Variants in RBM45 observed in about 807,000 individuals in gnomAD.
RBM45 encodes the protein RNA binding motif protein 45, also known as RNA-binding protein 45.
A neutral mutation model predicts 58.5 loss-of-function variants in RBM45; 39 were observed. The observed-to-expected ratio is 0.67, with a 90% confidence interval of 0.52 to 0.87. The LOEUF is 0.87. RBM45 is among the 40% of genes least tolerant of loss of function. The probability of loss-of-function intolerance (pLI) is 0.00; values close to 1 mark genes in which losing one functional copy is unlikely to be tolerated. For missense variants in RBM45, 481 were observed against 581.6 expected, an observed-to-expected ratio of 0.83 and a Z score of 1.78; for synonymous variants, 193 against 203.0, an observed-to-expected ratio of 0.95 and a Z score of 0.42.
rs989489434 is a variant in RBM45 at position 178,121,090 on chromosome 2, A to G, written c.674-90A>G. On this transcript the variant is annotated intron_variant, in intron 4 of 9. Coordinates refer to ENST00000286070, the MANE Select transcript of RBM45 (RefSeq NM_152945.4). ...AAAATACAGTGCCTTTATTCAGTAC[A>G]ATGGACTCTGTTTTCTAGTATTTAA... The G allele has an allele frequency of 7.6e-6, 5 of 655,676 alleles. No homozygotes were observed. The Admixed American group carries it at 1.6e-4, about 21-fold the overall frequency. The allele number at this position is 655,676 out of a possible 1,614,324, so 40.6% of individuals were successfully genotyped here.
At chr2:178,112,893 C>G (rs2276622) in intron 1 of RBM45, 47 bp downstream of exon 1, 599,237 of 1,567,180 alleles carry the variant, frequency 0.38, 120,529 homozygotes, top group East Asian at 0.61. Context: ...GAGTGGGCCT[C>G]TTGGACCTCC....
Position 178,121,222 on chromosome 2 carries a change from G to A in RBM45, c.716G>A (p.Arg239Gln), listed in dbSNP as rs750456960. ...EFSSFDKNDS[R>Q]GQEAISKRLS... ...TCAAGTTTTGACAAGAATGATAGCC[G>A]AGGCCAGGAAGCAATCTCCAAACGC... The change falls in exon 5 of 10, where the codon CGA (arginine) becomes CAA (glutamine). Residue 239 changes from arginine (R) to glutamine (Q), a missense_variant. Arg to Gln is a conservative substitution (Grantham distance 43). Coordinates refer to ENST00000286070, the MANE Select transcript of RBM45 (RefSeq NM_152945.4). The A allele has an allele frequency of 1.8e-5, 28 of 1,579,524 alleles. No individual in the cohort carries two copies. The highest frequency in any genetic ancestry group is 5.4e-5 in the Admixed American group (3 of 55,246).
intron 6 of RBM45, 41 bp from the exon 7 acceptor site, chr2:178,123,787 A>G: frequency 6.2e-7 from 1 of 1,606,896 alleles, no homozygotes; most frequent in Non-Finnish European, 8.5e-7. Context: ...AAAAGACTGA[A>G]TATTTTTAGT....
chr2:178,113,324 G>C (rs1304535193), intron 1 of RBM45, among the ~76,000 whole-genome samples: 1 of 448 alleles, frequency 2.2e-3, no homozygotes, highest in Non-Finnish European at 5.7e-3. Flanking sequence ...AAACTGGGGA[G>C]GGACCTCTGG....
chr2:178,138,278 A>C (rs1304977647), exon 4 of RBM45: 1 of 152,162 alleles, frequency 6.6e-6, no homozygotes, highest in Non-Finnish European at 1.5e-5. Context: ...AGCTTAAATA[A>C]GTTAGGATGA....
In RBM45 at chr2:178,123,923, A is replaced by G. The variant is rs1478216644; in HGVS notation, c.1068+11A>G. 1.2e-6 allele frequency: 2 copies of G among 1,607,444 alleles called. No individual in the cohort carries two copies. Among genetic ancestry groups the G allele is most frequent in the African/African-American group, 2.7e-5 (2 of 74,800 alleles). ...CAGCAACAATTTATGGTAAGTAGGT[A>G]AGAATTTAACCTTTATAATATATCA... On this transcript the variant is annotated intron_variant, in intron 7 of 9. Transcript: ENST00000286070.
chr2:178,120,522 A>T (rs1197256148), intron 4 of RBM45, 113 bp downstream of exon 4: 1 of 938,714 alleles, frequency 1.1e-6, no homozygotes, highest in African/African-American at 1.7e-5. Flanking sequence ...GTGAATAAAA[A>T]TCTTAAATGT....
intron 9 of RBM45, among the ~76,000 whole-genome samples, chr2:178,128,758 G>A (rs1204250242): frequency 6.6e-6 from 1 of 152,160 alleles, no homozygotes; most frequent in African/African-American, 2.4e-5. Context: ...TCTAATTGCA[G>A]CATGGCTTTT....
Position 178,120,277 on chromosome 2 carries a change from G to GT in RBM45, c.551-4dup, listed in dbSNP as rs757061337. On this transcript the variant is annotated splice_polypyrimidine_tract_variant and intron_variant, in intron 3 of 9. Coordinates refer to ENST00000286070, the MANE Select transcript of RBM45 (RefSeq NM_152945.4). ...TGCTGTGAAACTTGAAATTCATGGGGTTTTTTCAGGTTTTAGAGCAATCTT... is the reference window on the plus strand; with the variant it reads ...TGCTGTGAAACTTGAAATTCATGGGGTTTTTTTCAGGTTTTAGAGCAATCTT... 4 of 1,611,364 alleles carry GT rather than the reference G, an allele frequency of 2.5e-6. No individual in the cohort carries two copies. The highest frequency in any genetic ancestry group is 3.4e-6 in the Non-Finnish European group (4 of 1,179,114).
chr2:178,116,021 G>A (rs528509416), intron 1 of RBM45, among the ~76,000 whole-genome samples: 19 of 151,838 alleles, frequency 1.3e-4, no homozygotes, highest in Non-Finnish European at 1.9e-4. Flanking sequence ...GTGTGGTGGT[G>A]TGTGCCTGTG....
downstream of RBM45, among the ~76,000 whole-genome samples, chr2:178,132,293 TTAGAAAA>T (rs2088011985): frequency 6.6e-6 from 1 of 152,184 alleles, no homozygotes; most frequent in African/African-American, 2.4e-5. Flanking sequence ...TTAAATACAT[TTAGAAAA>T]TGTTCAGTAC....
In RBM45 at chr2:178,112,647, A is replaced by C; in HGVS notation, c.101A>C (p.Lys34Thr). 6.2e-7 allele frequency: 1 copy of C among 1,614,230 alleles called. No individual in the cohort carries two copies. Among genetic ancestry groups the C allele is most frequent in the Non-Finnish European group, 8.5e-7 (1 of 1,180,036 alleles). ...AGCCGCATCTTCCTTGTGATCAGCA[A>C]GTACACACCTGAGTCGGTGCTGAGG... ...PNSRIFLVIS[K>T]YTPESVLRER... The change falls in exon 1 of 10, where the codon AAG (lysine) becomes ACG (threonine). Residue 34 changes from lysine (K) to threonine (T), a missense_variant. Coordinates refer to ENST00000286070, the MANE Select transcript of RBM45 (RefSeq NM_152945.4).
chr2:178,120,561 T>A, intron 4 of RBM45, 152 bp downstream of exon 4: 3 of 648,046 alleles, frequency 4.6e-6, no homozygotes, highest in Non-Finnish European at 7.3e-6. Context: ...ATGTGGATTA[T>A]GACTCCTAAA....
chr2:178,131,699 C>CT (rs1391487487), downstream of RBM45, among the ~76,000 whole-genome samples: 1 of 152,158 alleles, frequency 6.6e-6, no homozygotes, highest in African/African-American at 2.4e-5. Flanking sequence ...TCAGTACAAC[C>CT]TGTTGTTTTG....
At chr2:178,118,678 G>C (rs1476468827) in intron 3 of RBM45, among the ~76,000 whole-genome samples, 1 of 152,098 alleles carries the variant, frequency 6.6e-6, no homozygotes, top group Non-Finnish European at 1.5e-5. Context: ...GTGATCTTCT[G>C]ATGTTGCTGT....
intron 1 of RBM45, among the ~76,000 whole-genome samples, chr2:178,115,992 A>G (rs2087769119): frequency 6.6e-6 from 1 of 152,034 alleles, no homozygotes; most frequent in African/African-American, 2.4e-5. Flanking sequence ...GTCTCTACAA[A>G]TATTAAAAAA....
intron 8 of RBM45, 33 bp from the exon 9 acceptor site, chr2:178,125,950 AT>A (rs762722199): frequency 2.3e-5 from 36 of 1,583,816 alleles, no homozygotes; most frequent in South Asian, 4.5e-5. Flanking sequence ...GTATTTATCA[AT>A]TTTGGTTGAT....
intron 4 of RBM45, 74 bp downstream of exon 4, chr2:178,120,483 T>A: frequency 7.6e-7 from 1 of 1,310,484 alleles, no homozygotes; most frequent in Non-Finnish European, 1.0e-6. Context: ...AAGAATACTC[T>A]GTTATTGGGC....
intron 1 of RBM45, among the ~76,000 whole-genome samples, chr2:178,114,186 T>TA (rs939621865): frequency 1.3e-5 from 2 of 152,230 alleles, no homozygotes; most frequent in African/African-American, 4.8e-5. Context: ...TTACAGTCCT[T>TA]AAAAACTGTA....
Sources: allele counts gnomAD v4.1 joint callset (sites outside exome capture counted in the v4.1 genomes callset), GRCh38; gene constraint gnomAD v4.1.1; transcripts MANE v1.5; gene names NCBI Gene and HGNC (gene_info 2026-07-23, HGNC 2026-07-21).